Variants in KCNQ2 observed in about 807,000 individuals in gnomAD.
KCNQ2 encodes potassium voltage-gated channel subfamily KQT member 2.
KCNQ2 carries 14 observed loss-of-function variants against 84.8 expected under a neutral mutation model. The ratio of observed to expected loss-of-function variants is 0.17; its 90% CI spans 0.11 to 0.26. The LOEUF is 0.26. KCNQ2 is among the 10% of genes least tolerant of loss of function. The pLI is 1.00. For synonymous variants in KCNQ2, 599 were observed against 554.1 expected (o/e 1.08, Z -1.14); for missense variants, 788 against 1,254.0 (o/e 0.63, Z 5.61).
intron 11 of KCNQ2, among the ~76,000 whole-genome samples, chr20:63,422,033 G>T (rs1253254878): frequency 1.3e-5 from 2 of 152,100 alleles, no homozygotes; most frequent in Non-Finnish European, 2.9e-5. Flanking sequence ...GGGTCCCTGT[G>T]TCCACACCAT....
chr20:63,442,281 C>T (rs889591705), intron 5 of KCNQ2, 125 bp downstream of exon 5: 18 of 1,432,214 alleles, frequency 1.3e-5, no homozygotes, highest in South Asian at 5.7e-5. Flanking sequence ...ATCATGACCA[C>T]GGGCAGCCAG....
Position 63,414,799 on chromosome 20 carries a change from G to A in KCNQ2, c.1525+104C>T. The A allele has an allele frequency of 8.9e-7, 1 of 1,117,552 alleles. No individual in the cohort carries two copies. Among genetic ancestry groups the A allele is most frequent in the Non-Finnish European group, 1.4e-6 (1 of 736,256 alleles). The allele number at this position is 1,117,552 out of a possible 1,614,324, so 69.2% of individuals were successfully genotyped here. ...AAAGGATAGGGGGTTCCCACTCCAAGAGCAAGCAAAAGCAGCTGCGACGCC... is the reference window on the plus strand; with the variant it reads ...AAAGGATAGGGGGTTCCCACTCCAAAAGCAAGCAAAAGCAGCTGCGACGCC... On this transcript the variant is annotated intron_variant, in intron 13 of 16. Transcript: ENST00000359125. The surrounding 1 kb of genome is among the most constrained non-coding windows in gnomAD (Gnocchi z 6.6).
At chr20:63,448,187 G>A (rs1028401578) in intron 1 of KCNQ2, 4 of 152,288 alleles carry the variant, frequency 2.6e-5, no homozygotes, top group African/African-American at 9.6e-5. Context: ...GCACACCAGA[G>A]AGAAACCCAC....
chr20:63,457,114 C>CA (rs1568964401), intron 1 of KCNQ2, among the ~76,000 whole-genome samples: 1 of 152,254 alleles, frequency 6.6e-6, no homozygotes, highest in Non-Finnish European at 1.5e-5. Flanking sequence ...GCGCCGCTGA[C>CA]AGAGTCCAGG....
At position 63,403,750 on chromosome 20, in the gene KCNQ2, CATGT is replaced by C. The variant is rs1244653554; in HGVS notation, c.*2890_*2893del. The C allele has an allele frequency of 4.6e-5, 7 of 152,364 alleles. No individual in the cohort carries two copies. The highest frequency in any genetic ancestry group is 7.2e-5 in the African/African-American group (3 of 41,550). 9.4% of individuals were successfully genotyped at this position (152,364 alleles called of 1,614,324 possible). A position where few individuals can be genotyped will look rare whatever the true frequency, so the allele number is the denominator to read the frequency against. Reference sequence around the variant, plus strand: ...GTGCATGTGTACGCCTGTATGCGGACATGTATGTGAGCACGTGTGTGTGCCAGTG... The same window carrying C: ...GTGCATGTGTACGCCTGTATGCGGACATGTGAGCACGTGTGTGTGCCAGTG... On this transcript the variant is annotated 3_prime_UTR_variant, in exon 17 of 17. Transcript: ENST00000359125.
chr20:63,466,906 A>C, intron 1 of KCNQ2, among the ~76,000 whole-genome samples: 1 of 152,246 alleles, frequency 6.6e-6, no homozygotes, highest in East Asian at 1.9e-4. Context: ...TTCCCGTCTC[A>C]GAGCTGCCTG....
At chr20:63,417,121 C>T (rs143718066) in intron 12 of KCNQ2, among the ~76,000 whole-genome samples, 187 of 152,320 alleles carry the variant, frequency 1.2e-3, no homozygotes, top group African/African-American at 4.3e-3. Context: ...GCCAACACAC[C>T]GTGCCCATGG....
Position 63,438,856 on chromosome 20 carries a change from C to T in KCNQ2, c.928-136G>A, listed in dbSNP as rs2081079558. On this transcript the variant is annotated intron_variant, in intron 6 of 16. Coordinates refer to ENST00000359125, the MANE Select transcript of KCNQ2 (RefSeq NM_172107.4). The surrounding 1 kb of genome is among the most constrained non-coding windows in gnomAD (Gnocchi z 5.1). ...CCACACTCCAGAGACTCACACACCC[C>T]CCAATTCATCAGGGTCAGACCACGC... 2 of 689,780 alleles carry T rather than the reference C, an allele frequency of 2.9e-6. No homozygotes were observed. The allele number at this position is 689,780 out of a possible 1,614,324, so 42.7% of individuals were successfully genotyped here. A position where few individuals can be genotyped will look rare whatever the true frequency, so the allele number is the denominator to read the frequency against.
At chr20:63,413,148 G>A in intron 15 of KCNQ2, 1 of 444,480 alleles carries the variant, frequency 2.2e-6, no homozygotes, top group Non-Finnish European at 4.4e-6. Context: ...CTGTGCAGAA[G>A]CATACATGTG....
At chr20:63,442,352 A>G (rs1280620265) in intron 5 of KCNQ2, 54 bp downstream of exon 5, 1 of 1,612,608 alleles carries the variant, frequency 6.2e-7, no homozygotes, top group Non-Finnish European at 8.5e-7. Flanking sequence ...GTCCCAGCAC[A>G]GGGACAGGGG....
chr20:63,441,474 T>TA (rs1044678764), intron 5 of KCNQ2, among the ~76,000 whole-genome samples: 1 of 152,056 alleles, frequency 6.6e-6, no homozygotes, highest in African/African-American at 2.4e-5. Flanking sequence ...CTCTGACATT[T>TA]AAAAATATAC....
intron 15 of KCNQ2, chr20:63,412,300 G>C (rs962605939): frequency 5.7e-6 from 1 of 175,470 alleles, no homozygotes; most frequent in African/African-American, 2.4e-5. Context: ...GGGAAGGAAA[G>C]GGAAAATTTA....
intron 5 of KCNQ2, among the ~76,000 whole-genome samples, chr20:63,440,185 C>A (rs1235474016): frequency 2.0e-5 from 3 of 152,032 alleles, no homozygotes; most frequent in African/African-American, 7.2e-5. Context: ...TGGTCTCCAC[C>A]GAGCCATGGC....
In KCNQ2 at chr20:63,446,471, C is replaced by T. The variant is rs1016749103; in HGVS notation, c.387+276G>A. Among the ~76,000 whole-genome samples, 7 of 152,138 alleles carry T rather than the reference C, an allele frequency of 4.6e-5. No homozygotes were observed. The highest frequency in any genetic ancestry group is 1.0e-4 in the Non-Finnish European group (7 of 68,012). ...GTGGGGATGGGAAAGGGAGGGTGGC[C>T]CACCCAGGGTGGGGGCGATGGAGGC... On this transcript the variant is annotated intron_variant, in intron 2 of 16. Transcript: ENST00000359125. This position sits in a 1 kb window ranked among gnomAD's most constrained non-coding sequence, Gnocchi z 5.5.
At chr20:63,426,701 G>T (rs748080346) in intron 10 of KCNQ2, among the ~76,000 whole-genome samples, 2 of 152,082 alleles carry the variant, frequency 1.3e-5, no homozygotes, top group Non-Finnish European at 1.5e-5. Flanking sequence ...GCACAGCCCA[G>T]TGGAGTCTCT....
In KCNQ2 at chr20:63,438,302, C is replaced by A; in HGVS notation, c.1023+323G>T. On this transcript the variant is annotated intron_variant, in intron 7 of 16. Coordinates refer to ENST00000359125, the MANE Select transcript of KCNQ2 (RefSeq NM_172107.4). The surrounding 1 kb of genome is among the most constrained non-coding windows in gnomAD (Gnocchi z 5.1). ...ACTGCAGTGTGTGGGCTCTAGGAGCCTTGGCCCTGCAGCTGCAGAACGGGT... is the reference window on the plus strand; with the variant it reads ...ACTGCAGTGTGTGGGCTCTAGGAGCATTGGCCCTGCAGCTGCAGAACGGGT... 2.1e-6 allele frequency: 1 copy of A among 466,146 alleles called. No homozygotes were observed. The highest frequency in any genetic ancestry group is 4.0e-6 in the Non-Finnish European group (1 of 250,796). The allele number at this position is 466,146 out of a possible 1,614,324, so 28.9% of individuals were successfully genotyped here.
At position 63,406,869 on chromosome 20, in the gene KCNQ2, C is replaced by T. The variant is rs775647592; in HGVS notation, c.2394G>A (p.Leu798=). Residue 798 remains leucine, a synonymous_variant, in exon 17 of 17, where the codon CTG becomes CTA. Transcript: ENST00000359125. ...ISIPSVDHEE[L]ERSFSGFSIS... is the part of the protein sequence containing the mutation. ...TGCTGAAGCCGCTGAAGGAACGCTC[C>T]AGCTCCTCGTGGTCCACGGACGGGA... 2 of 1,612,284 alleles carry T rather than the reference C, an allele frequency of 1.2e-6. No homozygotes were observed. The highest frequency in any genetic ancestry group is 1.6e-4 in the Middle Eastern group (1 of 6,062).
intron 4 of KCNQ2, among the ~76,000 whole-genome samples, chr20:63,443,173 TCACCATCACCATCACCACCACCAC>T (rs2081284412): frequency 2.7e-5 from 1 of 37,048 alleles, no homozygotes; most frequent in South Asian, 1.3e-3. Context: ...CACCATCACA[TCACCATCACCATCACCACCACCAC>T]CACCATCACC....
In KCNQ2 at chr20:63,408,015, C is replaced by T. The variant is rs926372815; in HGVS notation, c.1887+398G>A. The stretch of plus-strand genomic sequence containing the variant: ...CAGAAGCAGGCCCCAAAACAAGGGT[C>T]CTCTGCGGTGGTTCCTGAGAATGCA... On this transcript the variant is annotated intron_variant, in intron 16 of 16. Coordinates refer to ENST00000359125, the MANE Select transcript of KCNQ2 (RefSeq NM_172107.4). This position sits in a 1 kb window ranked among gnomAD's most constrained non-coding sequence, Gnocchi z 5.0. 6.8e-6 allele frequency: 2 copies of T among 293,134 alleles called. No individual in the cohort carries two copies. Among genetic ancestry groups the T allele is most frequent in the African/African-American group, 2.2e-5 (1 of 46,094 alleles). 18.2% of individuals were successfully genotyped at this position (293,134 alleles called of 1,614,324 possible). A position where few individuals can be genotyped will look rare whatever the true frequency, so the allele number is the denominator to read the frequency against.
Sources: gnomAD v4.1 joint callset for allele counts (sites outside exome capture counted in the v4.1 genomes callset) on GRCh38, gnomAD v4.1.1 for gene constraint, Gnocchi (gnomAD v3.1) non-coding constraint, MANE v1.5 for transcripts, NCBI Gene and HGNC (gene_info 2026-07-23, HGNC 2026-07-21) for gene names.